TTC39B: variants seen among roughly 807,000 people sequenced by gnomAD.
The protein encoded by TTC39B is tetratricopeptide repeat domain 39B.
Under a neutral mutation model 96.6 loss-of-function variants are expected in TTC39B, and 92 were observed. That is an observed-to-expected ratio of 0.95 (90% CI 0.80 to 1.13). TTC39B has a LOEUF of 1.13. Among genes scored for constraint, TTC39B ranks in the 50% most tolerant of loss-of-function variants. TTC39B has a pLI of 0.00. For missense variants in TTC39B, 955 were observed against 809.3 expected, an observed-to-expected ratio of 1.18 and a Z score of -2.18; for synonymous variants, 367 against 299.4, an observed-to-expected ratio of 1.23 and a Z score of -2.33.
chr9:15,296,342 T>C (rs1277589253), intron 1 of TTC39B, among the ~76,000 whole-genome samples: 1 of 152,188 alleles, frequency 6.6e-6, no homozygotes, highest in Admixed American at 6.5e-5. Flanking sequence ...AGGCATCCGT[T>C]TAAAACTGTA....
rs558518375 is a variant in TTC39B at position 15,282,822 on chromosome 9, CCA to C, written c.241-14876_241-14875del. ...TAAGTGGCAGAATCAGGATTTAAAC[CCA>C]CAGAGTCCAGCTTCAGAATCTGATC... On this transcript the variant is annotated intron_variant, in intron 1 of 19. Transcript: ENST00000512701. 6.0e-5 allele frequency among the ~76,000 whole-genome samples: 8 copies of C among 133,110 alleles called. No homozygotes were observed. The East Asian group carries it at 1.9e-3, about 32-fold the overall frequency. 87.3% of individuals were successfully genotyped at this position (133,110 alleles called of 152,430 possible).
exon 20 of TTC39B, chr9:15,163,809 T>A (rs2118242509): frequency 6.6e-6 from 1 of 152,360 alleles, no homozygotes; most frequent in Non-Finnish European, 1.5e-5. Flanking sequence ...ATGATTTATT[T>A]GCACTTAAAA....
intron 2 of TTC39B, among the ~76,000 whole-genome samples, chr9:15,237,338 C>T (rs377235076): frequency 3.3e-5 from 5 of 151,910 alleles, no homozygotes; most frequent in African/African-American, 7.3e-5. Context: ...ATAAATGAAC[C>T]GAAAAGTCGG....
chr9:15,289,014 C>T (rs755527301), intron 1 of TTC39B, among the ~76,000 whole-genome samples: 43 of 152,236 alleles, frequency 2.8e-4, no homozygotes, highest in South Asian at 1.4e-3. Context: ...CTTAATTACA[C>T]GCTTTTAAAG....
chr9:15,216,688 A>G (rs1479193866), intron 3 of TTC39B, among the ~76,000 whole-genome samples: 2 of 152,076 alleles, frequency 1.3e-5, no homozygotes, highest in South Asian at 2.1e-4. Context: ...TTCTTTCCCC[A>G]TCGCCTACCT....
chr9:15,257,936 G>C (rs949519318), intron 2 of TTC39B, among the ~76,000 whole-genome samples: 1 of 152,060 alleles, frequency 6.6e-6, no homozygotes, highest in Non-Finnish European at 1.5e-5. Context: ...GCGGGCGCCT[G>C]TAATCCCAGC....
intron 1 of TTC39B, among the ~76,000 whole-genome samples, chr9:15,287,118 C>T (rs1824002570): frequency 6.6e-6 from 1 of 152,142 alleles, no homozygotes; most frequent in African/African-American, 2.4e-5. Flanking sequence ...GCTTGATTTG[C>T]CATTCTCTAA....
At chr9:15,286,768 T>C (rs977923298) in intron 1 of TTC39B, among the ~76,000 whole-genome samples, 6 of 152,148 alleles carry the variant, frequency 3.9e-5, no homozygotes, top group African/African-American at 1.4e-4. Flanking sequence ...AAAGCAAAAG[T>C]CTTCCATCTC....
At chr9:15,202,648 G>A (rs927194180) in intron 7 of TTC39B, among the ~76,000 whole-genome samples, 2 of 151,610 alleles carry the variant, frequency 1.3e-5, no homozygotes, top group Admixed American at 6.6e-5. Flanking sequence ...GGAGGCAGAC[G>A]TTGCAGTGAG....
At chr9:15,304,489 T>C in intron 1 of TTC39B, among the ~76,000 whole-genome samples, 1 of 152,138 alleles carries the variant, frequency 6.6e-6, no homozygotes, top group East Asian at 1.9e-4. Flanking sequence ...TACTAGCACC[T>C]AAAAAACACA....
intron 2 of TTC39B, among the ~76,000 whole-genome samples, chr9:15,252,408 G>A (rs1244349445): frequency 6.6e-6 from 1 of 152,184 alleles, no homozygotes; most frequent in East Asian, 1.9e-4. Flanking sequence ...CAGCACTTTG[G>A]GAGGCCGAGA....
At chr9:15,186,814 G>A (rs745363765) in intron 15 of TTC39B, 130 bp downstream of exon 15, 21 of 797,358 alleles carry the variant, frequency 2.6e-5, no homozygotes, top group Non-Finnish European at 2.1e-6. Flanking sequence ...TCCCACCTAA[G>A]CTTCCCAAGT....
intron 14 of TTC39B, 76 bp downstream of exon 14, chr9:15,187,895 C>G: frequency 7.0e-7 from 1 of 1,430,540 alleles, no homozygotes; most frequent in Non-Finnish European, 9.3e-7. Context: ...TACTACTGAG[C>G]AAACAGTCCT....
intron 6 of TTC39B, among the ~76,000 whole-genome samples, chr9:15,206,577 A>G (rs1819868705): frequency 6.6e-6 from 1 of 152,236 alleles, no homozygotes; most frequent in African/African-American, 2.4e-5. Context: ...CTACCAGAAT[A>G]TCTCTTAATT....
chr9:15,216,977 G>A (rs935824663), intron 3 of TTC39B, among the ~76,000 whole-genome samples: 2 of 152,156 alleles, frequency 1.3e-5, no homozygotes, highest in Non-Finnish European at 2.9e-5. Flanking sequence ...CATTACTGAG[G>A]ATGGTCAGGA....
At chr9:15,257,780 C>CGT (rs1351455457) in intron 2 of TTC39B, among the ~76,000 whole-genome samples, 16 of 151,312 alleles carry the variant, frequency 1.1e-4, no homozygotes, top group South Asian at 4.3e-4. Flanking sequence ...TAATTTTAGG[C>CGT]CAGGCACGGT....
At chr9:15,287,945 C>CA (rs762069142) in intron 1 of TTC39B, among the ~76,000 whole-genome samples, 2,025 of 68,706 alleles carry the variant, frequency 0.029, 134 homozygotes, top group African/African-American at 0.1. Context: ...GACTCCATCT[C>CA]AAAAAAAAAA....
intron 2 of TTC39B, among the ~76,000 whole-genome samples, chr9:15,256,961 T>C (rs1311472892): frequency 1.3e-5 from 2 of 152,152 alleles, no homozygotes; most frequent in African/African-American, 4.8e-5. Context: ...AGTGACATCA[T>C]CCCATTTAAT....
At chr9:15,232,858 G>C (rs1292927472) in intron 2 of TTC39B, among the ~76,000 whole-genome samples, 1 of 152,208 alleles carries the variant, frequency 6.6e-6, no homozygotes, top group Non-Finnish European at 1.5e-5. Flanking sequence ...CACTTCATTG[G>C]AATCAGCCTC....
Sources: allele counts gnomAD v4.1 joint callset (sites outside exome capture counted in the v4.1 genomes callset), GRCh38; gene constraint gnomAD v4.1.1; transcripts MANE v1.5; gene names NCBI Gene and HGNC (gene_info 2026-07-23, HGNC 2026-07-21).